The following CAPSL variants were observed in gnomAD, a reference collection of about 807,000 sequenced individuals.
The protein encoded by CAPSL is calcyphosin-like protein.
CAPSL carries 17 observed loss-of-function variants against 21.3 expected under a neutral mutation model. That is an observed-to-expected ratio of 0.80 (90% CI 0.55 to 1.20). CAPSL has a LOEUF of 1.20. Among genes scored for constraint, CAPSL ranks in the 50% most tolerant of loss-of-function variants. The pLI is 0.00. For synonymous variants in CAPSL, 102 were observed against 89.3 expected (o/e 1.14, Z -0.80); for missense variants, 289 against 259.3 (o/e 1.11, Z -0.79).
chr5:35,925,722 T>A (rs1209028519), intron 1 of CAPSL, among the ~76,000 whole-genome samples: 1 of 151,958 alleles, frequency 6.6e-6, no homozygotes, highest in Non-Finnish European at 1.5e-5. Flanking sequence ...GGGGAAGAAG[T>A]CTTCTTAAAA....
intron 2 of CAPSL, among the ~76,000 whole-genome samples, chr5:35,912,433 C>T (rs554197364): frequency 1.1e-4 from 16 of 152,250 alleles, no homozygotes; most frequent in Admixed American, 2.0e-4. Flanking sequence ...CCCTGACCCC[C>T]GAGTAGCCTA....
intron 1 of CAPSL, among the ~76,000 whole-genome samples, chr5:35,923,333 G>T (rs968778440): frequency 6.6e-6 from 1 of 152,188 alleles, no homozygotes; most frequent in Non-Finnish European, 1.5e-5. Context: ...CACACCTTCA[G>T]AATAATATTA....
intron 4 of CAPSL, among the ~76,000 whole-genome samples, chr5:35,905,419 T>G (rs1019450334): frequency 6.6e-6 from 1 of 152,160 alleles, no homozygotes; most frequent in Non-Finnish European, 1.5e-5. Flanking sequence ...CCAAGAATCA[T>G]AAGAGATGAC....
chr5:35,912,926 T>A (rs1452017306), intron 2 of CAPSL, among the ~76,000 whole-genome samples: 2 of 151,610 alleles, frequency 1.3e-5, no homozygotes, highest in Non-Finnish European at 2.9e-5. Context: ...AAGGAGGAAG[T>A]TTGCACCCAT....
At chr5:35,935,335 CTT>C (rs113841969) in intron 1 of CAPSL, among the ~76,000 whole-genome samples, 6 of 145,686 alleles carry the variant, frequency 4.1e-5, no homozygotes, top group African/African-American at 7.6e-5. Flanking sequence ...GTCCAAACTT[CTT>C]TTTTTTTTTT....
chr5:35,929,777 G>C (rs969483079), intron 1 of CAPSL, among the ~76,000 whole-genome samples: 2 of 152,122 alleles, frequency 1.3e-5, no homozygotes, highest in Non-Finnish European at 2.9e-5. Flanking sequence ...CCGGAGTGCA[G>C]AGCAAATCTG....
chr5:35,924,258 G>T (rs1757960727), intron 1 of CAPSL, among the ~76,000 whole-genome samples: 1 of 152,148 alleles, frequency 6.6e-6, no homozygotes, highest in Non-Finnish European at 1.5e-5. Context: ...ACCTCATTTT[G>T]CAAACTTGGA....
rs545533360 is a variant in CAPSL at position 35,927,258 on chromosome 5, C to A, written c.1-6138G>T. 2.6e-5 allele frequency among the ~76,000 whole-genome samples: 4 copies of A among 152,174 alleles called. No individual in the cohort carries two copies. The East Asian group carries it at 7.7e-4, about 29-fold the overall frequency. On this transcript the variant is annotated intron_variant, in intron 1 of 4. Transcript: ENST00000651391. ...GCAGCCGTCTGCAGTCCAATTGTTC[C>A]GAGCCTCTGTCCCACCTCTTGATGC...
intron 2 of CAPSL, among the ~76,000 whole-genome samples, chr5:35,915,862 G>C (rs937901621): frequency 6.6e-6 from 1 of 152,188 alleles, no homozygotes; most frequent in African/African-American, 2.4e-5. Context: ...GTTGTGGCCA[G>C]AGCAATCAGA....
Position 35,909,986 on chromosome 5 carries a change from G to T in CAPSL, c.405C>A (p.Asp135Glu). Residue 135 changes from aspartate to glutamate, a missense_variant, in exon 4 of 5, where the codon GAC becomes GAA. Physicochemically the swap from Asp to Glu is conservative, Grantham distance 45. Transcript: ENST00000651391. ...GTTTTGCATTATATACTTCACGAAG[G>T]TCTTCGATTGTTATAACACCATCTC... ...KTGDGVITIE[D>E]LREVYNAKHH... is the part of the protein sequence containing the mutation. 1.9e-6 allele frequency: 3 copies of T among 1,613,712 alleles called. No homozygotes were observed. The highest frequency in any genetic ancestry group is 2.5e-6 in the Non-Finnish European group (3 of 1,179,852).
intron 1 of CAPSL, among the ~76,000 whole-genome samples, chr5:35,926,113 CG>C: frequency 6.6e-6 from 1 of 151,312 alleles, no homozygotes; most frequent in South Asian, 2.1e-4. Context: ...CGGGAAAGGC[CG>C]TTTGCATTGT....
chr5:35,932,108 C>T (rs1738839401), intron 1 of CAPSL, among the ~76,000 whole-genome samples: 1 of 151,906 alleles, frequency 6.6e-6, no homozygotes, highest in African/African-American at 2.4e-5. Flanking sequence ...TTATTTGTAT[C>T]CTAGTTGTTC....
At chr5:35,918,156 A>G (rs2149923558) in intron 2 of CAPSL, among the ~76,000 whole-genome samples, 1 of 152,338 alleles carries the variant, frequency 6.6e-6, no homozygotes, top group South Asian at 2.1e-4. Context: ...ACACTTGCAC[A>G]CATATGTTTA....
In CAPSL at chr5:35,918,428, G is replaced by A. The variant is rs544210640; in HGVS notation, c.137+2556C>T. Reference sequence around the variant, plus strand: ...AACAATGAGATTACGTGGACACAAGGAGGGGAACATCACACAGTGGAACAT... The same window carrying A: ...AACAATGAGATTACGTGGACACAAGAAGGGGAACATCACACAGTGGAACAT... On this transcript the variant is annotated intron_variant, in intron 2 of 4. Transcript: ENST00000651391. 4.5e-4 allele frequency among the ~76,000 whole-genome samples: 68 copies of A among 152,246 alleles called. 1 individual carries two copies. Among genetic ancestry groups the A allele is most frequent in the Middle Eastern group, 3.4e-3 (1 of 292 alleles).
At chr5:35,935,553 T>A (rs2149935742) in intron 1 of CAPSL, among the ~76,000 whole-genome samples, 1 of 152,252 alleles carries the variant, frequency 6.6e-6, no homozygotes, top group African/African-American at 2.4e-5. Flanking sequence ...CAGGCTGGTC[T>A]TGAACTCCTA....
rs749878381 is a variant in CAPSL at position 35,910,482 on chromosome 5, C to T, written c.199G>A (p.Gly67Arg). 3.6e-5 allele frequency: 58 copies of T among 1,612,824 alleles called. No individual in the cohort carries two copies. The East Asian group carries it at 4.2e-4, about 12-fold the overall frequency. Residue 67 changes from glycine (G) to arginine (R), a missense_variant, in exon 3 of 5, where the codon GGG becomes AGG. Transcript: ENST00000651391. ...ATGACCACAGCATAATCATTTAACCCTTTCATAAATTCTTTAAAATCAAGG... is the reference window on the plus strand; with the variant it reads ...ATGACCACAGCATAATCATTTAACCTTTTCATAAATTCTTTAAAATCAAGG... ...RTLDFKEFMK[G>R]LNDYAVVMEK...
chr5:35,916,242 T>C (rs1054493856), intron 2 of CAPSL, among the ~76,000 whole-genome samples: 18 of 151,974 alleles, frequency 1.2e-4, no homozygotes, highest in African/African-American at 4.1e-4. Flanking sequence ...GAACATTCCA[T>C]GCTCATGGGT....
chr5:35,912,583 G>C (rs1325433157), intron 2 of CAPSL, among the ~76,000 whole-genome samples: 1 of 152,222 alleles, frequency 6.6e-6, no homozygotes, highest in Non-Finnish European at 1.5e-5. Flanking sequence ...CTCCACTGCT[G>C]ATACCCAGGC....
At chr5:35,916,806 C>A (rs558161846) in intron 2 of CAPSL, among the ~76,000 whole-genome samples, 1 of 152,228 alleles carries the variant, frequency 6.6e-6, no homozygotes, top group South Asian at 2.1e-4. Context: ...TAGGCATGGG[C>A]AAGGACTTCA....
Sources: gnomAD v4.1 joint callset for allele counts (sites outside exome capture counted in the v4.1 genomes callset) on GRCh38, gnomAD v4.1.1 for gene constraint, MANE v1.5 for transcripts, NCBI Gene and HGNC (gene_info 2026-07-23, HGNC 2026-07-21) for gene names.